Variants in HMGB1 observed in about 807,000 individuals in gnomAD.
HMGB1 encodes the protein high mobility group protein B1.
For missense variants in HMGB1, 79 were observed against 253.5 expected (o/e 0.31, Z 4.67); for synonymous variants, 81 against 84.0 (o/e 0.96, Z 0.19).
intron 1 of HMGB1, among the ~76,000 whole-genome samples, chr13:30,545,246 G>A (rs1321836016): frequency 6.6e-6 from 1 of 151,906 alleles, no homozygotes; most frequent in Non-Finnish European, 1.5e-5. Flanking sequence ...GGTCAGCCTG[G>A]GCAATACAGT....
At chr13:30,599,899 A>G (rs750211338) in intron 1 of HMGB1, among the ~76,000 whole-genome samples, 11 of 152,224 alleles carry the variant, frequency 7.2e-5, no homozygotes, top group Non-Finnish European at 1.3e-4. Flanking sequence ...TGTCAACACT[A>G]CAGTTAGATT....
intron 1 of HMGB1, among the ~76,000 whole-genome samples, chr13:30,544,400 G>A (rs1869048917): frequency 6.6e-6 from 1 of 152,218 alleles, no homozygotes; most frequent in Non-Finnish European, 1.5e-5. Context: ...AAAGAACAAG[G>A]CAAGATTGGA....
Position 30,458,244 on chromosome 13 carries a change from C to A in HMGB1, c.*3113G>T, listed in dbSNP as rs531014882. On this transcript the variant is annotated 3_prime_UTR_variant, in exon 5 of 5. Coordinates refer to ENST00000341423, the MANE Select transcript of HMGB1 (RefSeq NM_002128.7). ...AGGAGGCGTATTGTACCAAGCAGAC[C>A]TAAATGTGAACTTTCATCAAGGACT... 1 of 152,018 alleles carries A rather than the reference C, an allele frequency of 6.6e-6. No homozygotes were observed. The highest frequency in any genetic ancestry group is 2.4e-5 in the African/African-American group (1 of 41,418). The allele number at this position is 152,018 out of a possible 1,614,324, so 9.4% of individuals were successfully genotyped here. A position where few individuals can be genotyped will look rare whatever the true frequency, so the allele number is the denominator to read the frequency against.
chr13:30,512,326 T>G (rs1888010388), intron 1 of HMGB1, among the ~76,000 whole-genome samples: 1 of 151,994 alleles, frequency 6.6e-6, no homozygotes, highest in African/African-American at 2.4e-5. Context: ...TGAACATGCT[T>G]AGGGGAGGAG....
chr13:30,573,677 G>T (rs1225118232), intron 1 of HMGB1, among the ~76,000 whole-genome samples: 1 of 150,542 alleles, frequency 6.6e-6, no homozygotes, highest in African/African-American at 2.4e-5. Context: ...TGGAGAAAGG[G>T]TCTCACTGTG....
At chr13:30,492,046 T>C (rs1447699181) in intron 1 of HMGB1, among the ~76,000 whole-genome samples, 1 of 151,980 alleles carries the variant, frequency 6.6e-6, no homozygotes, top group Non-Finnish European at 1.5e-5. Context: ...TATGCACCTG[T>C]AGTCCCAGCT....
chr13:30,531,997 G>T (rs941764770), intron 1 of HMGB1, among the ~76,000 whole-genome samples: 1 of 151,744 alleles, frequency 6.6e-6, no homozygotes, highest in Non-Finnish European at 1.5e-5. Context: ...AGATAGCCAC[G>T]TTTATGGTAT....
At chr13:30,542,425 TACTCCCTGACACAGGGTGCTGC>T (rs1293310740) in intron 1 of HMGB1, 1 of 158,340 alleles carries the variant, frequency 6.3e-6, no homozygotes, top group Non-Finnish European at 1.4e-5. Flanking sequence ...TCCTCTCCTG[TACTCCCTGACACAGGGTGCTGC>T]ACTGCCACCC....
chr13:30,571,013 C>T lies in HMGB1; in HGVS notation c.-15+45658G>A, dbSNP rs755495089. ...GTATCATAGGCCTTTTAAAAATAGT[C>T]ATGTTCAAAAGTCAGGCTCATGAAT... On this transcript the variant is annotated intron_variant, in intron 1 of 4. Transcript: ENST00000405805. 6.1e-4 allele frequency among the ~76,000 whole-genome samples: 93 copies of T among 152,118 alleles called. 1 individual carries two copies. The highest frequency in any genetic ancestry group is 1.2e-3 in the Non-Finnish European group (83 of 68,034).
chr13:30,463,922 G>C (rs1886526595), intron 1 of HMGB1: 3 of 453,334 alleles, frequency 6.6e-6, no homozygotes, highest in Non-Finnish European at 3.7e-6. Context: ...ATCTCAAAAA[G>C]TCTAGACACA....
chr13:30,544,861 C>A (rs1869074336), intron 1 of HMGB1, among the ~76,000 whole-genome samples: 1 of 152,172 alleles, frequency 6.6e-6, no homozygotes, highest in African/African-American at 2.4e-5. Context: ...TTCTCTGCAA[C>A]TGCAGGGCCC....
intron 1 of HMGB1, among the ~76,000 whole-genome samples, chr13:30,583,839 A>AAAAAAG (rs1555242864): frequency 7.3e-6 from 1 of 137,664 alleles, no homozygotes; most frequent in Non-Finnish European, 1.5e-5. Flanking sequence ...AAAAAAAAAA[A>AAAAAAG]AAAGAAAGAA....
intron 1 of HMGB1, among the ~76,000 whole-genome samples, chr13:30,498,626 AATTATTATTATTATTATT>A (rs71192659): frequency 9.7e-5 from 14 of 143,968 alleles, no homozygotes; most frequent in Non-Finnish European, 1.2e-4. Context: ...GGAATCAGCA[AATTATTATTATTATTATT>A]ATTATTATTA....
chr13:30,600,478 G>A (rs1366072855), intron 1 of HMGB1, among the ~76,000 whole-genome samples: 1 of 152,172 alleles, frequency 6.6e-6, no homozygotes, highest in Admixed American at 6.5e-5. Flanking sequence ...AGAACGTGAT[G>A]AAATTAACAT....
At chr13:30,576,567 A>C (rs1870665631) in intron 1 of HMGB1, among the ~76,000 whole-genome samples, 1 of 151,410 alleles carries the variant, frequency 6.6e-6, no homozygotes, top group African/African-American at 2.4e-5. Context: ...TTGCCTCGTA[A>C]ATATTTTTCC....
intron 1 of HMGB1, among the ~76,000 whole-genome samples, chr13:30,607,584 CTT>C (rs1177331000): frequency 6.6e-6 from 1 of 151,916 alleles, no homozygotes; most frequent in African/African-American, 2.4e-5. Flanking sequence ...TCAGGTAGTT[CTT>C]TACAGCAGTG....
chr13:30,530,231 C>T (rs1428387179), intron 1 of HMGB1, among the ~76,000 whole-genome samples: 1 of 152,122 alleles, frequency 6.6e-6, no homozygotes, highest in Non-Finnish European at 1.5e-5. Context: ...ATAAAATTAC[C>T]TTCAGGCTAC....
rs1221355953 is a variant in HMGB1, at chr13:30,483,182, C to T, written c.-14-19488G>A. 5.9e-5 allele frequency among the ~76,000 whole-genome samples: 9 copies of T among 152,072 alleles called. 1 individual carries two copies. The highest frequency in any genetic ancestry group is 1.3e-4 in the Non-Finnish European group (9 of 68,000). On this transcript the variant is annotated intron_variant, in intron 1 of 4. Transcript: ENST00000405805. The stretch of plus-strand genomic sequence containing the variant: ...GGGGTAGCAGCCCAGCACTCCTCAC[C>T]CACAGGTGAGTGAGCAAAGCAAACA...
intron 1 of HMGB1, chr13:30,464,581 G>GCAGGCCCGCGC: frequency 3.0e-6 from 3 of 984,046 alleles, no homozygotes; most frequent in Non-Finnish European, 3.6e-6. Context: ...CTGCAGGCCC[G>GCAGGCCCGCGC]CGCCGCCGCC....
Sources: allele counts gnomAD v4.1 joint callset (sites outside exome capture counted in the v4.1 genomes callset), GRCh38; gene constraint gnomAD v4.1.1; transcripts MANE v1.5; gene names NCBI Gene and HGNC (gene_info 2026-07-23, HGNC 2026-07-21).